RXRG: variants seen among roughly 807,000 people sequenced by gnomAD.
RXRG encodes the protein retinoid X receptor gamma.
Under a neutral mutation model 49.2 loss-of-function variants are expected in RXRG, and 19 were observed. That is an observed-to-expected ratio of 0.39 (90% CI 0.27 to 0.57). The LOEUF (loss-of-function observed/expected upper bound fraction) is 0.57, where lower values mean the gene tolerates loss of function less well. RXRG is among the 20% of genes least tolerant of loss of function. The pLI is 0.64. For missense variants in RXRG, 452 were observed against 592.5 expected, an observed-to-expected ratio of 0.76 and a Z score of 2.46; for synonymous variants, 224 against 216.6, an observed-to-expected ratio of 1.03 and a Z score of -0.30.
intron 2 of RXRG, 89 bp from the exon 3 acceptor site, chr1:165,420,103 A>G (rs56292139): frequency 5.6e-6 from 6 of 1,073,234 alleles, no homozygotes; most frequent in Non-Finnish European, 7.5e-6. Context: ...TCAAGAAAAA[A>G]CAAGTTCTAT....
intron 4 of RXRG, among the ~76,000 whole-genome samples, chr1:165,411,726 G>T (rs1172267953): frequency 6.6e-6 from 1 of 152,030 alleles, no homozygotes; most frequent in Non-Finnish European, 1.5e-5. Context: ...GGTTGGGGAG[G>T]GTACATAGGC....
At chr1:165,437,039 T>G in intron 1 of RXRG, 1 of 1,248,780 alleles carries the variant, frequency 8.0e-7, no homozygotes, top group Non-Finnish European at 1.0e-6. Context: ...GTTGCCTGGG[T>G]TTCATTTCTG....
chr1:165,409,199 TC>T (rs1657854745), intron 7 of RXRG, among the ~76,000 whole-genome samples: 1 of 152,126 alleles, frequency 6.6e-6, no homozygotes, highest in Non-Finnish European at 1.5e-5. Context: ...GTTCACCCTC[TC>T]CACCCACAAC....
chr1:165,423,583 TGAG>T (rs1160652842), intron 2 of RXRG, among the ~76,000 whole-genome samples: 1 of 152,024 alleles, frequency 6.6e-6, no homozygotes, highest in East Asian at 1.9e-4. Flanking sequence ...GCCTTCATCA[TGAG>T]GAGTAATAAG....
At chr1:165,404,681 A>G (rs577335354) in intron 9 of RXRG, among the ~76,000 whole-genome samples, 1 of 152,360 alleles carries the variant, frequency 6.6e-6, no homozygotes, top group South Asian at 2.1e-4. Context: ...CACACGAGAC[A>G]TAATAGATAC....
intron 9 of RXRG, among the ~76,000 whole-genome samples, 197 bp downstream of exon 9, chr1:165,406,615 T>C (rs928798951): frequency 6.6e-5 from 10 of 152,338 alleles, no homozygotes; most frequent in Admixed American, 1.3e-4. Context: ...GTGTTGAGGC[T>C]AGAGGAGTGA....
At chr1:165,418,917 G>T (rs1331631643) in intron 3 of RXRG, among the ~76,000 whole-genome samples, 4 of 152,360 alleles carry the variant, frequency 2.6e-5, no homozygotes, top group Non-Finnish European at 5.9e-5. Flanking sequence ...AGCTAGGTAA[G>T]TTCTAGGTGC....
At chr1:165,407,691 G>C (rs989539222) in intron 8 of RXRG, among the ~76,000 whole-genome samples, 4 of 152,086 alleles carry the variant, frequency 2.6e-5, no homozygotes, top group African/African-American at 9.7e-5. Context: ...GTTGCTTCCT[G>C]GGCAGCCACT....
At chr1:165,439,179 A>G (rs145237608) in intron 1 of RXRG, among the ~76,000 whole-genome samples, 292 of 149,226 alleles carry the variant, frequency 2.0e-3, no homozygotes, top group African/African-American at 7.1e-3. Flanking sequence ...TGCTATAATT[A>G]TATATAATGC....
intron 2 of RXRG, 139 bp from the exon 3 acceptor site, chr1:165,420,153 C>T (rs769987464): frequency 1.6e-6 from 1 of 609,816 alleles, no homozygotes; most frequent in Non-Finnish European, 2.5e-6. Context: ...TTTGAAACTG[C>T]CTATCTGTGA....
chr1:165,420,014 G>A lies in RXRG; in HGVS notation c.298C>T (p.Leu100=). 1 of 1,592,386 alleles carries A rather than the reference G, an allele frequency of 6.3e-7. No homozygotes were observed. The highest frequency in any genetic ancestry group is 8.6e-7 in the Non-Finnish European group (1 of 1,167,792). Residue 100 remains leucine, a splice_region_variant and synonymous_variant, in exon 3 of 10, where the codon CTA becomes TTA. Transcript: ENST00000359842. ...CTGCTGACACTGTTGACCACATTTA[G>A]CTGCAAGAGAAAAAAATACTGTAAA... The part of the protein sequence containing the change: ...INLVAPPSSQ[L]NVVNSVSSSE...
intron 1 of RXRG, chr1:165,437,134 T>C: frequency 1.5e-6 from 2 of 1,367,774 alleles, no homozygotes; most frequent in Non-Finnish European, 2.0e-6. Context: ...GGTTCAGGGC[T>C]CACAGTATCT....
chr1:165,432,735 C>A (rs1027451012), intron 1 of RXRG, among the ~76,000 whole-genome samples: 1 of 152,204 alleles, frequency 6.6e-6, no homozygotes, highest in Non-Finnish European at 1.5e-5. Context: ...TGACAGGTTT[C>A]CCTTCAGCAC....
At chr1:165,433,917 A>G (rs558375126) in intron 1 of RXRG, among the ~76,000 whole-genome samples, 1 of 152,342 alleles carries the variant, frequency 6.6e-6, no homozygotes, top group South Asian at 2.1e-4. Flanking sequence ...TAACTCTACA[A>G]TGACTCCAAA....
chr1:165,445,032 G>C lies in RXRG; in HGVS notation c.-139C>G. On this transcript the variant is annotated 5_prime_UTR_variant, in exon 1 of 10. Transcript: ENST00000359842. Reference sequence around the variant, plus strand: ...GCTTCCTAGCAGCCCGGGGAGCACAGGCTGGGCCAGCCCTCTGGGATTAGT... The same window carrying C: ...GCTTCCTAGCAGCCCGGGGAGCACACGCTGGGCCAGCCCTCTGGGATTAGT... 1.4e-6 allele frequency: 1 copy of C among 736,772 alleles called. No homozygotes were observed. The highest frequency in any genetic ancestry group is 2.4e-6 in the Non-Finnish European group (1 of 413,410). The allele number at this position is 736,772 out of a possible 1,614,324, so 45.6% of individuals were successfully genotyped here. A position where few individuals can be genotyped will look rare whatever the true frequency, so the allele number is the denominator to read the frequency against.
Position 165,429,360 on chromosome 1 carries a change from CCCAGGCTGCT to C in RXRG, c.50-404_50-395del, listed in dbSNP as rs1658601148. 2.0e-5 allele frequency among the ~76,000 whole-genome samples: 3 copies of C among 152,134 alleles called. No individual in the cohort carries two copies. The South Asian group carries it at 6.2e-4, about 32-fold the overall frequency. ...CCTCGATGGGGAGAGTGAGTAGGTT[CCCAGGCTGCT>C]CCATAATTCCCTGACTAGAACTCAT... is the stretch of plus-strand genomic sequence containing the variant. On this transcript the variant is annotated intron_variant, in intron 1 of 9. Transcript: ENST00000359842.
At chr1:165,431,505 A>G (rs1364862295) in intron 1 of RXRG, among the ~76,000 whole-genome samples, 1 of 152,246 alleles carries the variant, frequency 6.6e-6, no homozygotes, top group Non-Finnish European at 1.5e-5. Flanking sequence ...GTGAGGAGCC[A>G]TAAACTCCAC....
At chr1:165,403,447 C>A (rs1344986826) in intron 9 of RXRG, among the ~76,000 whole-genome samples, 1 of 152,150 alleles carries the variant, frequency 6.6e-6, no homozygotes, top group Admixed American at 6.6e-5. Flanking sequence ...TATTTCTACA[C>A]TTATGCCATA....
In RXRG at chr1:165,401,209, C is replaced by T. The variant is rs1036028039; in HGVS notation, c.*54G>A. Reference sequence around the variant, plus strand: ...TGGAGGAAAGTGCAGGGTGGGGGTCCACACACACCTGCCCAGGGGTCATCC... The same window carrying T: ...TGGAGGAAAGTGCAGGGTGGGGGTCTACACACACCTGCCCAGGGGTCATCC... On this transcript the variant is annotated 3_prime_UTR_variant, in exon 10 of 10. Coordinates refer to ENST00000359842, the MANE Select transcript of RXRG (RefSeq NM_006917.5). 66 of 1,578,716 alleles carry T rather than the reference C, an allele frequency of 4.2e-5. No homozygotes were observed. Among genetic ancestry groups the T allele is most frequent in the Non-Finnish European group, 5.4e-5 (62 of 1,153,810 alleles).
Sources: gnomAD v4.1 joint callset for allele counts (sites outside exome capture counted in the v4.1 genomes callset) on GRCh38, gnomAD v4.1.1 for gene constraint, MANE v1.5 for transcripts, NCBI Gene and HGNC (gene_info 2026-07-23, HGNC 2026-07-21) for gene names.